The following SLC39A11 variants were observed in gnomAD, a reference collection of about 807,000 sequenced individuals.
The protein encoded by SLC39A11 is solute carrier family 39 member 11.
SLC39A11 carries 33 observed loss-of-function variants against 36.1 expected under a neutral mutation model. That is an observed-to-expected ratio of 0.91 (90% CI 0.69 to 1.22). The LOEUF (loss-of-function observed/expected upper bound fraction) is 1.22. SLC39A11 is among the 50% of genes most tolerant of loss of function. The probability of loss-of-function intolerance (pLI) is 0.00; values close to 1 mark genes in which losing one functional copy is unlikely to be tolerated. For missense variants in SLC39A11, 432 were observed against 430.3 expected (o/e 1.00, Z -0.03); for synonymous variants, 166 against 170.3 (o/e 0.97, Z 0.20).
At chr17:73,006,683 C>T (rs866010430) in intron 4 of SLC39A11, among the ~76,000 whole-genome samples, 42 of 151,776 alleles carry the variant, frequency 2.8e-4, no homozygotes, top group Middle Eastern at 3.4e-3. Flanking sequence ...CACACATGCA[C>T]ACACGCACCC....
intron 5 of SLC39A11, among the ~76,000 whole-genome samples, chr17:72,924,403 G>A (rs1488801084): frequency 6.6e-6 from 1 of 152,054 alleles, no homozygotes; most frequent in Non-Finnish European, 1.5e-5. Flanking sequence ...GATATGTCTG[G>A]TAAATAGTTA....
intron 5 of SLC39A11, among the ~76,000 whole-genome samples, chr17:72,935,749 A>AT (rs1296097490): frequency 5.3e-5 from 8 of 151,568 alleles, no homozygotes; most frequent in Non-Finnish European, 1.0e-4. Context: ...TGCCCAGCTA[A>AT]TTTTTTTTGT....
At chr17:73,058,006 ACT>A (rs1274872039) in intron 3 of SLC39A11, among the ~76,000 whole-genome samples, 1 of 117,704 alleles carries the variant, frequency 8.5e-6, no homozygotes, top group African/African-American at 3.3e-5. Flanking sequence ...TTCGTTTTAG[ACT>A]CTTTTTTTTT....
At chr17:72,829,713 G>A (rs2078189700) in intron 6 of SLC39A11, among the ~76,000 whole-genome samples, 1 of 152,052 alleles carries the variant, frequency 6.6e-6, no homozygotes. Flanking sequence ...CTCTTCTACT[G>A]TATAAACCAC....
At chr17:72,963,231 T>C (rs1369890210) in intron 4 of SLC39A11, among the ~76,000 whole-genome samples, 1 of 135,306 alleles carries the variant, frequency 7.4e-6, no homozygotes. Context: ...AGTGCAGTGG[T>C]GCGATCCCAG....
chr17:72,672,804 C>T lies in SLC39A11; in HGVS notation c.672-23536G>A, dbSNP rs187787722. 1.4e-4 allele frequency among the ~76,000 whole-genome samples: 22 copies of T among 152,204 alleles called. No individual in the cohort carries two copies. In the East Asian group the frequency reaches 4.3e-3, roughly 29 times the overall value. The stretch of plus-strand genomic sequence containing the variant: ...TTGGTAGAGACAAGGTCTCACTATG[C>T]CGCTCAGGCTGATCTCCATAAACTG... On this transcript the variant is annotated intron_variant, in intron 7 of 9. Transcript: ENST00000255559.
intron 2 of SLC39A11, among the ~76,000 whole-genome samples, chr17:73,087,237 G>T (rs112686678): frequency 1.7e-3 from 257 of 152,146 alleles, no homozygotes; most frequent in African/African-American, 5.9e-3. Flanking sequence ...TCTGGATTGT[G>T]TGTTTTCTGA....
chr17:73,005,340 A>G (rs9916009), intron 4 of SLC39A11, among the ~76,000 whole-genome samples: 76,917 of 151,992 alleles, frequency 0.51, 22,736 homozygotes, highest in Middle Eastern at 0.71. Flanking sequence ...ACAGGACCAA[A>G]AAGTTATCCC....
chr17:73,039,255 G>T (rs992301348), intron 3 of SLC39A11, among the ~76,000 whole-genome samples: 1 of 151,952 alleles, frequency 6.6e-6, no homozygotes, highest in Non-Finnish European at 1.5e-5. Context: ...CCCTCTCCCC[G>T]TATGCCTTCT....
intron 4 of SLC39A11, among the ~76,000 whole-genome samples, chr17:73,000,453 G>A (rs775408282): frequency 2.6e-4 from 39 of 152,240 alleles, no homozygotes; most frequent in Non-Finnish European, 4.7e-4. Flanking sequence ...AAGGATATGG[G>A]AACAAGGCAC....
chr17:72,818,381 A>C (rs1193665579), intron 6 of SLC39A11, among the ~76,000 whole-genome samples: 1 of 152,128 alleles, frequency 6.6e-6, no homozygotes, highest in Non-Finnish European at 1.5e-5. Flanking sequence ...TGGAGGGTGC[A>C]TTCCTCCAGG....
chr17:72,879,905 G>A (rs1456417367), intron 5 of SLC39A11, among the ~76,000 whole-genome samples: 2 of 152,188 alleles, frequency 1.3e-5, no homozygotes, highest in East Asian at 1.9e-4. Context: ...TCAGCTCCCT[G>A]TCCCATGACT....
chr17:72,807,296 A>T (rs2077288929), intron 6 of SLC39A11, among the ~76,000 whole-genome samples: 1 of 152,250 alleles, frequency 6.6e-6, no homozygotes, highest in Non-Finnish European at 1.5e-5. Context: ...CTAAGGAATT[A>T]GAGCTATCCA....
chr17:73,036,421 T>C (rs969570444), intron 3 of SLC39A11, among the ~76,000 whole-genome samples: 5 of 149,680 alleles, frequency 3.3e-5, no homozygotes, highest in Admixed American at 2.7e-4. Flanking sequence ...CGAAGGGCCA[T>C]CGTTTTTTTG....
At chr17:72,819,218 C>T (rs76102693) in intron 6 of SLC39A11, among the ~76,000 whole-genome samples, 3,918 of 151,052 alleles carry the variant, frequency 0.026, 203 homozygotes, top group African/African-American at 0.085. Context: ...AAAGTGTCCT[C>T]ATAAAAAGGG....
intron 3 of SLC39A11, among the ~76,000 whole-genome samples, chr17:73,074,131 T>A (rs1440754585): frequency 6.6e-6 from 1 of 151,906 alleles, no homozygotes; most frequent in Non-Finnish European, 1.5e-5. Context: ...TATTAATAAT[T>A]GAGAAATTAT....
intron 6 of SLC39A11, among the ~76,000 whole-genome samples, chr17:72,818,437 G>A (rs1042455223): frequency 2.0e-5 from 3 of 152,192 alleles, no homozygotes; most frequent in Non-Finnish European, 2.9e-5. Context: ...CGAGAGGAAT[G>A]ACTTCACAAG....
At chr17:72,865,705 G>A (rs2080267772) in intron 5 of SLC39A11, among the ~76,000 whole-genome samples, 1 of 151,930 alleles carries the variant, frequency 6.6e-6, no homozygotes, top group Admixed American at 6.6e-5. Context: ...ATGCATGAGA[G>A]TCAGCAGGCA....
chr17:72,930,193 A>G (rs2084299775), intron 5 of SLC39A11, among the ~76,000 whole-genome samples: 1 of 152,216 alleles, frequency 6.6e-6, no homozygotes, highest in Non-Finnish European at 1.5e-5. Flanking sequence ...AAGCCAGGGC[A>G]GCTCATTAGT....
Sources: allele counts gnomAD v4.1 joint callset (sites outside exome capture counted in the v4.1 genomes callset), GRCh38; gene constraint gnomAD v4.1.1; transcripts MANE v1.5; gene names NCBI Gene and HGNC (gene_info 2026-07-23, HGNC 2026-07-21).